Variants in ZDHHC13 observed in about 807,000 individuals in gnomAD.
ZDHHC13 encodes the protein zDHHC palmitoyltransferase 13.
Under a neutral mutation model 86.0 loss-of-function variants are expected in ZDHHC13, and 85 were observed. The observed-to-expected ratio is 0.99, with a 90% CI of 0.83 to 1.18. ZDHHC13 has a LOEUF of 1.18. Among genes scored for constraint, ZDHHC13 ranks in the 50% most tolerant of loss-of-function variants. ZDHHC13 has a pLI of 0.00. For missense variants in ZDHHC13, 711 were observed against 730.2 expected (o/e 0.97, Z 0.30); for synonymous variants, 263 against 246.4 (o/e 1.07, Z -0.63).
chr11:19,158,972 T>C lies in ZDHHC13; in HGVS notation c.1040T>C (p.Leu347Ser). The C allele has an allele frequency of 6.5e-7, 1 of 1,549,238 alleles. No homozygotes were observed. The highest frequency in any genetic ancestry group is 1.2e-5 in the South Asian group (1 of 83,720). The change falls in exon 10 of 17, where the codon TTA becomes TCA. Residue 347 changes from leucine to serine, a missense_variant. Transcript: ENST00000446113. ...FLVGYKNLVY[L>S]PTAFLLSSVF... ...GTTGGGTATAAGAACCTTGTATACT[T>C]ACCAACAGCCTTTCTGCTAAGTTCT...
chr11:19,172,482 G>T (rs1850250184), intron 15 of ZDHHC13, among the ~76,000 whole-genome samples: 1 of 152,188 alleles, frequency 6.6e-6, no homozygotes, highest in Non-Finnish European at 1.5e-5. Context: ...AGATAACTCT[G>T]TGAGTAGTTA....
chr11:19,164,189 T>C (rs1171623293), intron 11 of ZDHHC13, 112 bp from the exon 12 acceptor site: 5 of 1,037,666 alleles, frequency 4.8e-6, no homozygotes, highest in Non-Finnish European at 6.9e-6. Flanking sequence ...GTATTCCAAA[T>C]TGCTTTTCTA....
intron 1 of ZDHHC13, among the ~76,000 whole-genome samples, chr11:19,139,930 A>G (rs1355799336): frequency 2.1e-5 from 3 of 144,016 alleles, no homozygotes; most frequent in African/African-American, 7.9e-5. Flanking sequence ...TGGATTAAAG[A>G]CTTAAACGTT....
chr11:19,169,668 T>C (rs557893589), intron 14 of ZDHHC13: 27 of 985,504 alleles, frequency 2.7e-5, no homozygotes, highest in Non-Finnish European at 3.3e-5. Context: ...ACCTTGAAGA[T>C]CCGTTCCCTT....
At chr11:19,167,004 T>C (rs1420506476) in intron 14 of ZDHHC13, 1 of 152,278 alleles carries the variant, frequency 6.6e-6, no homozygotes, top group East Asian at 1.9e-4. Flanking sequence ...GGTGGTTGAC[T>C]AAGAAGGACA....
intron 14 of ZDHHC13, chr11:19,167,155 T>C (rs1850093959): frequency 6.6e-6 from 1 of 152,228 alleles, no homozygotes; most frequent in Non-Finnish European, 1.5e-5. Flanking sequence ...AACTGTTTAT[T>C]ATTTATTTAT....
chr11:19,142,465 A>G (rs932797716), intron 1 of ZDHHC13, among the ~76,000 whole-genome samples: 1 of 152,178 alleles, frequency 6.6e-6, no homozygotes, highest in Admixed American at 6.5e-5. Flanking sequence ...CTCAAGAGGA[A>G]GGAATTATAT....
chr11:19,152,358 C>T, intron 7 of ZDHHC13, 38 bp downstream of exon 7: 1 of 1,595,408 alleles, frequency 6.3e-7, no homozygotes, highest in African/African-American at 1.3e-5. Flanking sequence ...TTTATTATAT[C>T]TTGAGTTAGA....
intron 15 of ZDHHC13, 123 bp from the exon 16 acceptor site, chr11:19,172,600 T>G (rs1850253075): frequency 4.6e-6 from 3 of 648,564 alleles, no homozygotes; most frequent in Non-Finnish European, 7.1e-6. Context: ...TTTGTCCCTT[T>G]TCAAGGAGAT....
chr11:19,130,572 A>G (rs149116828), intron 1 of ZDHHC13, among the ~76,000 whole-genome samples: 2 of 152,120 alleles, frequency 1.3e-5, no homozygotes, highest in East Asian at 1.9e-4. Flanking sequence ...TTCTATTTTT[A>G]TATTCTTCTT....
Position 19,117,177 on chromosome 11 carries a change from C to A in ZDHHC13, c.-73C>A. On this transcript the variant is annotated 5_prime_UTR_variant, in exon 1 of 17. Coordinates refer to ENST00000446113, the MANE Select transcript of ZDHHC13 (RefSeq NM_019028.3). The surrounding 1 kb of genome is among the most constrained non-coding windows in gnomAD (Gnocchi z 4.2). Reference sequence around the variant, plus strand: ...AGCAGGAAGTGGGAGAAGAGGCGACCCAAGGCGGGCTGGCGGGCTGGCGGC... The same window carrying A: ...AGCAGGAAGTGGGAGAAGAGGCGACACAAGGCGGGCTGGCGGGCTGGCGGC... 6 of 1,509,330 alleles carry A rather than the reference C, an allele frequency of 4.0e-6. No homozygotes were observed. The highest frequency in any genetic ancestry group is 1.2e-5 in the South Asian group (1 of 83,194). The allele number at this position is 1,509,330 out of a possible 1,614,324, so 93.5% of individuals were successfully genotyped here. A position where few individuals can be genotyped will look rare whatever the true frequency, so the allele number is the denominator to read the frequency against.
chr11:19,174,682 C>T (rs1850312233), intron 16 of ZDHHC13, among the ~76,000 whole-genome samples: 1 of 152,208 alleles, frequency 6.6e-6, no homozygotes, highest in Admixed American at 6.5e-5. Flanking sequence ...AAAAATGATG[C>T]CTAAGACAGT....
intron 14 of ZDHHC13, chr11:19,169,915 AC>A: frequency 2.0e-6 from 2 of 987,374 alleles, no homozygotes; most frequent in Non-Finnish European, 2.4e-6. Context: ...GCAGAAGTAT[AC>A]CCATGCCCAG....
intron 2 of ZDHHC13, 89 bp downstream of exon 2, chr11:19,143,212 C>T (rs1338378435): frequency 7.4e-7 from 1 of 1,355,388 alleles, no homozygotes; most frequent in South Asian, 1.5e-5. Flanking sequence ...ATATGTTTAC[C>T]TCTCTTAACT....
At chr11:19,121,613 C>T (rs146290083) in intron 1 of ZDHHC13, among the ~76,000 whole-genome samples, 138 of 152,258 alleles carry the variant, frequency 9.1e-4, no homozygotes, top group African/African-American at 3.0e-3. Context: ...TGGGAGTTGG[C>T]TGGCATCATG....
In ZDHHC13 at chr11:19,117,191, C is replaced by G; in HGVS notation, c.-59C>G. On this transcript the variant is annotated 5_prime_UTR_variant, in exon 1 of 17. Transcript: ENST00000446113. The surrounding 1 kb of genome is among the most constrained non-coding windows in gnomAD (Gnocchi z 4.2). ...GAAGAGGCGACCCAAGGCGGGCTGG[C>G]GGGCTGGCGGCAGTCGCTACTTGCC... is the stretch of plus-strand genomic sequence containing the variant. 6.6e-7 allele frequency: 1 copy of G among 1,523,334 alleles called. No homozygotes were observed. The allele number at this position is 1,523,334 out of a possible 1,614,324, so 94.4% of individuals were successfully genotyped here. A position where few individuals can be genotyped will look rare whatever the true frequency, so the allele number is the denominator to read the frequency against.
At chr11:19,136,217 G>A (rs1049005026) in intron 1 of ZDHHC13, among the ~76,000 whole-genome samples, 4 of 152,280 alleles carry the variant, frequency 2.6e-5, no homozygotes, top group South Asian at 2.1e-4. Flanking sequence ...CCAATACAGA[G>A]GAGTGCTTAA....
chr11:19,123,419 G>C (rs1444950293), intron 1 of ZDHHC13, among the ~76,000 whole-genome samples: 1 of 151,854 alleles, frequency 6.6e-6, no homozygotes, highest in Admixed American at 6.6e-5. Context: ...TTGAGGTCAG[G>C]AGTTTAAGAC....
rs115426419 is a variant in ZDHHC13 at position 19,141,703 on chromosome 11, C to T, written c.28-1275C>T. On this transcript the variant is annotated intron_variant, in intron 1 of 16. Transcript: ENST00000446113. ...TTTTTTTTTTTTTAACATTAGCGAACCCCGTATTGGTTTTCTGCTAAGGTC... is the reference window on the plus strand; with the variant it reads ...TTTTTTTTTTTTTAACATTAGCGAATCCCGTATTGGTTTTCTGCTAAGGTC... Among the ~76,000 whole-genome samples the T allele has an allele frequency of 7.1e-3, 1,015 of 142,338 alleles. 9 individuals are homozygous for T. The highest frequency in any genetic ancestry group is 0.025 in the African/African-American group (958 of 38,846). The allele number at this position is 142,338 out of a possible 152,430, so 93.4% of individuals were successfully genotyped here.
Sources: allele counts gnomAD v4.1 joint callset (sites outside exome capture counted in the v4.1 genomes callset), GRCh38; gene constraint gnomAD v4.1.1; non-coding constraint Gnocchi (gnomAD v3.1); transcripts MANE v1.5; gene names NCBI Gene and HGNC (gene_info 2026-07-23, HGNC 2026-07-21).